Variants in AFF1 observed in about 807,000 individuals in gnomAD.
The protein encoded by AFF1 is AF4/FMR2 family member 1.
Under a neutral mutation model 121.7 loss-of-function variants are expected in AFF1, and 48 were observed. The observed-to-expected ratio is 0.39, with a 90% confidence interval of 0.31 to 0.50. The LOEUF (loss-of-function observed/expected upper bound fraction) is 0.50, where lower values mean the gene tolerates loss of function less well. Ranked by LOEUF, AFF1 falls within the 20% of genes least tolerant of loss-of-function variation. The pLI is 0.76. For synonymous variants in AFF1, 613 were observed against 563.0 expected, an observed-to-expected ratio of 1.09 and a Z score of -1.26; for missense variants, 1,523 against 1,511.7, an observed-to-expected ratio of 1.01 and a Z score of -0.12.
At chr4:86,937,236 A>T (rs185718092) in intron 1 of AFF1, among the ~76,000 whole-genome samples, 2 of 152,246 alleles carry the variant, frequency 1.3e-5, no homozygotes, top group African/African-American at 2.4e-5. Context: ...TTGCAAAACT[A>T]TAATTTTGAA....
intron 1 of AFF1, among the ~76,000 whole-genome samples, chr4:86,943,166 G>A (rs547520773): frequency 1.2e-4 from 19 of 152,296 alleles, no homozygotes; most frequent in East Asian, 3.9e-4. Flanking sequence ...CCAGAACCCC[G>A]TTGAACAAAA....
intron 2 of AFF1, among the ~76,000 whole-genome samples, chr4:87,000,955 C>G (rs536440853): frequency 6.6e-6 from 1 of 152,088 alleles, no homozygotes; most frequent in African/African-American, 2.4e-5. Flanking sequence ...TAGAGAAAGT[C>G]TAACTTCTGA....
rs1175743346 is a variant in AFF1 at position 87,126,109 on chromosome 4, C to A, written c.2584C>A (p.Pro862Thr). Residue 862 changes from proline (P) to threonine (T), a missense_variant, in exon 14 of 21, where the codon CCC (proline) becomes ACC (threonine). By Grantham distance (38) the Pro-to-Thr change is conservative. This residue lies in a region of AFF1 where 905 missense variants were observed against 842.5 expected (regional missense o/e 1.07). Coordinates refer to ENST00000395146, the MANE Select transcript of AFF1 (RefSeq NM_001166693.3). ...KESSKTKPSR[P>T]SSQSSKKEML... ...GATGTTTCACTCCAGGCCCTCCAGG[C>A]CCTCCTCACAGTCCTCAAAGAAGGA... The A allele has an allele frequency of 1.2e-6, 2 of 1,614,174 alleles. No homozygotes were observed.
intron 2 of AFF1, among the ~76,000 whole-genome samples, chr4:86,952,867 T>G (rs552645595): frequency 1.2e-4 from 18 of 150,862 alleles, no homozygotes; most frequent in Middle Eastern, 3.4e-3. Context: ...TTTGTATTTT[T>G]TATTTATTTA....
chr4:87,112,617 A>G (rs768016795), intron 11 of AFF1, among the ~76,000 whole-genome samples: 9 of 152,176 alleles, frequency 5.9e-5, no homozygotes, highest in Non-Finnish European at 1.3e-4. Flanking sequence ...ATTTTGCATC[A>G]TGGATTTCCA....
chr4:87,061,724 C>T (rs7660883), intron 4 of AFF1, among the ~76,000 whole-genome samples: 8 of 151,988 alleles, frequency 5.3e-5, no homozygotes, highest in East Asian at 1.9e-4. Flanking sequence ...ATGTTCTCTC[C>T]GTCAATTCAA....
intron 5 of AFF1, among the ~76,000 whole-genome samples, chr4:87,086,508 A>G (rs2149707910): frequency 6.6e-6 from 1 of 152,320 alleles, no homozygotes; most frequent in South Asian, 2.1e-4. Flanking sequence ...AATCATGCCC[A>G]TTTATGATTT....
chr4:86,978,176 A>ATTTTTTTTTTTTTTTTT (rs1723449569), intron 2 of AFF1, among the ~76,000 whole-genome samples: 1 of 22,654 alleles, frequency 4.4e-5, no homozygotes, highest in Non-Finnish European at 1.2e-4. Context: ...CATTACATTC[A>ATTTTTTTTTTTTTTTTT]CTTTTTTTTT....
intron 2 of AFF1, among the ~76,000 whole-genome samples, 159 bp downstream of exon 2, chr4:86,948,730 T>G (rs1721046743): frequency 6.6e-6 from 1 of 152,246 alleles, no homozygotes; most frequent in African/African-American, 2.4e-5. Context: ...AAGTCAAACT[T>G]GTTGGACTGG....
intron 2 of AFF1, among the ~76,000 whole-genome samples, chr4:86,974,893 C>T (rs574984891): frequency 1.3e-5 from 2 of 152,262 alleles, no homozygotes; most frequent in South Asian, 2.1e-4. Flanking sequence ...TAGGCTTTTT[C>T]CTTACCCTCT....
At chr4:87,066,292 T>G (rs1721339247) in intron 4 of AFF1, among the ~76,000 whole-genome samples, 1 of 152,182 alleles carries the variant, frequency 6.6e-6, no homozygotes, top group African/African-American at 2.4e-5. Flanking sequence ...GACCGGTCAT[T>G]GCCCTGCAGA....
At position 87,055,632 on chromosome 4, in the gene AFF1, C is replaced by G. The variant is rs191772772; in HGVS notation, c.1059+8038C>G. On this transcript the variant is annotated intron_variant, in intron 4 of 20. Coordinates refer to ENST00000395146, the MANE Select transcript of AFF1 (RefSeq NM_001166693.3). ...AGCCACCCGGGTCATTTTAGCTCTT[C>G]TCTAGATTAACTGTGTTTTATTTTG... 2.6e-3 allele frequency among the ~76,000 whole-genome samples: 389 copies of G among 152,300 alleles called. 1 individual carries two copies. Among genetic ancestry groups the G allele is most frequent in the Non-Finnish European group, 4.1e-3 (279 of 68,022 alleles).
chr4:87,072,349 C>T (rs1208395907), intron 4 of AFF1, among the ~76,000 whole-genome samples: 27 of 120,594 alleles, frequency 2.2e-4, no homozygotes, highest in African/African-American at 4.9e-4. Flanking sequence ...GGCAACAGAG[C>T]GAGACTCCGT....
At chr4:87,026,114 A>G (rs1728510105) in intron 2 of AFF1, among the ~76,000 whole-genome samples, 1 of 136,234 alleles carries the variant, frequency 7.3e-6, no homozygotes, top group African/African-American at 2.8e-5. Context: ...CTGAGGCAGG[A>G]GAATTGCTTG....
At chr4:86,975,159 C>T (rs1172308610) in intron 2 of AFF1, among the ~76,000 whole-genome samples, 1 of 152,176 alleles carries the variant, frequency 6.6e-6, no homozygotes, top group Non-Finnish European at 1.5e-5. Flanking sequence ...GCCATGTTTT[C>T]CCATTCCTCT....
chr4:87,056,858 T>C (rs996923477), intron 4 of AFF1, among the ~76,000 whole-genome samples: 2 of 152,220 alleles, frequency 1.3e-5, no homozygotes, highest in African/African-American at 4.8e-5. Flanking sequence ...TTCTAAATGC[T>C]TTATAGGTGC....
At chr4:86,939,691 C>G (rs1720311847) in intron 1 of AFF1, among the ~76,000 whole-genome samples, 2 of 152,104 alleles carry the variant, frequency 1.3e-5, no homozygotes, top group Admixed American at 1.3e-4. Context: ...ATACTCATAC[C>G]ATTTCCTTCT....
Position 87,033,411 on chromosome 4 carries a change from T to C in AFF1, c.39-12755T>C, listed in dbSNP as rs769786428. ...ATGTGGTGCAATTGGTTCTCTGGAA[T>C]GTGTGCGTTAGAAGTTCAGTGACTG... On this transcript the variant is annotated intron_variant, in intron 2 of 20. Transcript: ENST00000395146. Among the ~76,000 whole-genome samples the C allele has an allele frequency of 3.2e-4, 49 of 152,320 alleles. 1 individual carries two copies. Among genetic ancestry groups the C allele is most frequent in the Middle Eastern group, 3.4e-3 (1 of 294 alleles).
rs1729548827 is a variant in AFF1, at chr4:87,139,447, C to T, written c.*3746C>T. On this transcript the variant is annotated 3_prime_UTR_variant, in exon 21 of 21. Coordinates refer to ENST00000395146, the MANE Select transcript of AFF1 (RefSeq NM_001166693.3). ...AAACACTACAAAAAAACTTTTAAAA[C>T]TTTGCCATTTCATCTGTTTACACTC... 4.3e-6 allele frequency: 1 copy of T among 232,536 alleles called. No individual in the cohort carries two copies. The highest frequency in any genetic ancestry group is 6.1e-5 in the East Asian group (1 of 16,428). The allele number at this position is 232,536 out of a possible 1,614,324, so 14.4% of individuals were successfully genotyped here.
Sources: gnomAD v4.1 joint callset for allele counts (sites outside exome capture counted in the v4.1 genomes callset) on GRCh38, gnomAD v4.1.1 for gene constraint, gnomAD v4.1.1 regional missense constraint, MANE v1.5 for transcripts, NCBI Gene and HGNC (gene_info 2026-07-23, HGNC 2026-07-21) for gene names.